Variants in FAT1 observed in about 807,000 individuals in gnomAD.
The protein encoded by FAT1 is FAT atypical cadherin 1, also known as protocadherin Fat 1.
Under a neutral mutation model 329.8 loss-of-function variants are expected in FAT1, and 171 were observed. The observed-to-expected ratio is 0.52, with a 90% CI of 0.46 to 0.59. FAT1 has a LOEUF of 0.59. FAT1 is among the 20% of genes least tolerant of loss of function. FAT1 has a pLI of 0.00. For missense variants in FAT1, 5,672 were observed against 5,774.4 expected, an observed-to-expected ratio of 0.98 and a Z score of 0.57; for synonymous variants, 2,233 against 2,228.6, an observed-to-expected ratio of 1.00 and a Z score of -0.06.
intron 3 of FAT1, among the ~76,000 whole-genome samples, chr4:186,640,578 T>C (rs961918795): frequency 3.2e-4 from 48 of 152,190 alleles, no homozygotes; most frequent in Non-Finnish European, 1.2e-4. Flanking sequence ...AGAACTGTTA[T>C]AAAAAGTAAT....
At chr4:186,634,265 T>C (rs936989782) in intron 6 of FAT1, among the ~76,000 whole-genome samples, 4 of 152,126 alleles carry the variant, frequency 2.6e-5, no homozygotes, top group Non-Finnish European at 5.9e-5. Flanking sequence ...CTAAAAAAAA[T>C]AGCGGTCGTT....
In FAT1 at chr4:186,588,168, C is replaced by CA; in HGVS notation, c.*423dup. 9.0e-6 allele frequency: 2 copies of CA among 221,562 alleles called. No homozygotes were observed. The highest frequency in any genetic ancestry group is 5.5e-5 in the Admixed American group (1 of 18,224). 13.7% of individuals were successfully genotyped at this position (221,562 alleles called of 1,614,324 possible). A position where few individuals can be genotyped will look rare whatever the true frequency, so the allele number is the denominator to read the frequency against. On this transcript the variant is annotated 3_prime_UTR_variant, in exon 27 of 27. Coordinates refer to ENST00000441802, the MANE Select transcript of FAT1 (RefSeq NM_005245.4). ...TCAGGGTGCTAGATAATGGCACTGA[C>CA]ACCACCAAAATTCAGTTGAAACAAA...
At chr4:186,614,976 C>T (rs1326726666) in intron 11 of FAT1, among the ~76,000 whole-genome samples, 1 of 115,370 alleles carries the variant, frequency 8.7e-6, no homozygotes, top group African/African-American at 4.8e-5. Context: ...TTTAGAAATC[C>T]ATGCCATAAA....
intron 1 of FAT1, among the ~76,000 whole-genome samples, chr4:186,715,767 C>T (rs776536694): frequency 7.9e-5 from 12 of 152,118 alleles, no homozygotes; most frequent in Non-Finnish European, 1.5e-4. Flanking sequence ...ATGCATTTTC[C>T]GAAGCCAAAA....
At chr4:186,612,806 C>T (rs1292220745) in intron 13 of FAT1, among the ~76,000 whole-genome samples, 1 of 152,152 alleles carries the variant, frequency 6.6e-6, no homozygotes. Context: ...TCTCTGTCCT[C>T]AATGGTTTAT....
chr4:186,717,411 T>C (rs1745264141), intron 1 of FAT1, among the ~76,000 whole-genome samples: 1 of 152,224 alleles, frequency 6.6e-6, no homozygotes, highest in African/African-American at 2.4e-5. Flanking sequence ...TGTTGTTATC[T>C]TTGACTGGGG....
At chr4:186,665,357 T>C (rs1484220575) in intron 2 of FAT1, among the ~76,000 whole-genome samples, 1 of 152,216 alleles carries the variant, frequency 6.6e-6, no homozygotes, top group Non-Finnish European at 1.5e-5. Context: ...CCAGCACCTG[T>C]TGTTTCCTGA....
intron 12 of FAT1, among the ~76,000 whole-genome samples, chr4:186,613,699 A>G (rs974348627): frequency 6.6e-5 from 10 of 152,244 alleles, no homozygotes; most frequent in African/African-American, 2.2e-4. Context: ...GAAGAAAATA[A>G]AAAGGCTTAA....
Position 186,614,263 on chromosome 4 carries a change from G to T in FAT1, c.9157C>A (p.Arg3053Ser). The change falls in exon 12 of 27, where the codon CGC (arginine) becomes AGC (serine). Residue 3053 changes from arginine to serine, a missense_variant. Arg to Ser is a moderately radical substitution (Grantham distance 110, BLOSUM62 -1). This residue lies in a region of FAT1 where 3,966 missense variants were observed against 3,915.2 expected (regional missense o/e 1.01). Coordinates refer to ENST00000441802, the MANE Select transcript of FAT1 (RefSeq NM_005245.4). ...MQISATDADI[R>S]SNAEITYTLL... ...GTGTAAGTAATTTCAGCGTTAGAGC[G>T]GATGTCTGCGTCTGTAGCAGAGATC... The T allele has an allele frequency of 6.2e-7, 1 of 1,603,014 alleles. No homozygotes were observed. The highest frequency in any genetic ancestry group is 8.5e-7 in the Non-Finnish European group (1 of 1,176,256).
Position 186,603,243 on chromosome 4 carries a change from T to G in FAT1, c.11283A>C (p.Thr3761=), listed in dbSNP as rs979758551. The change falls in exon 19 of 27, where the codon ACA becomes ACC. Residue 3761 remains threonine, a synonymous_variant. Transcript: ENST00000441802. ...CAAAACTCAGTCTGGCTGTGCTGTG[T>G]GTTGACATCACACTTTCATCCACAG... is the stretch of plus-strand genomic sequence containing the variant. The part of the protein sequence containing the change: ...KVSVDESVMS[T]HSTARLSFVT... The G allele has an allele frequency of 1.2e-6, 2 of 1,613,752 alleles. No homozygotes were observed. Among genetic ancestry groups the G allele is most frequent in the African/African-American group, 2.7e-5 (2 of 74,930 alleles).
chr4:186,647,032 C>T (rs1189039762), intron 3 of FAT1, among the ~76,000 whole-genome samples: 4 of 152,182 alleles, frequency 2.6e-5, no homozygotes, highest in Admixed American at 2.0e-4. Flanking sequence ...ATAATGTTTA[C>T]GATCTCAGTC....
rs567227751 is a variant in FAT1 at position 186,679,374 on chromosome 4, A to T, written c.3266-15761T>A. 5.1e-5 allele frequency among the ~76,000 whole-genome samples: 7 copies of T among 138,040 alleles called. No individual in the cohort carries two copies. The Admixed American group carries it at 5.6e-4, about 11-fold the overall frequency. 90.6% of individuals were successfully genotyped at this position (138,040 alleles called of 152,430 possible). ...GGAGCTTGCAGTGAGCTGAGATCGC[A>T]CCACTGCACTCCAGCCTGGGTGACA... On this transcript the variant is annotated intron_variant, in intron 2 of 26. Coordinates refer to ENST00000441802, the MANE Select transcript of FAT1 (RefSeq NM_005245.4).
chr4:186,639,727 A>C lies in FAT1; in HGVS notation c.3637T>G (p.Leu1213Val). 1 of 1,609,518 alleles carries C rather than the reference A, an allele frequency of 6.2e-7. No individual in the cohort carries two copies. Among genetic ancestry groups the C allele is most frequent in the Non-Finnish European group, 8.5e-7 (1 of 1,177,494 alleles). Reference sequence around the variant, plus strand: ...AAGATAAAAAAAAAACTTACCTCTAATATGTGTTCATCTTGCTGTTCTCGG... The same window carrying C: ...AAGATAAAAAAAAAACTTACCTCTACTATGTGTTCATCTTGCTGTTCTCGG... ...LDREQQDEHILEVTVTDNGSP... is the reference protein window; with the variant it reads ...LDREQQDEHIVEVTVTDNGSP... The change falls in exon 4 of 27, where the codon TTA becomes GTA. Residue 1213 changes from leucine (L) to valine (V), a missense_variant. Leu to Val is a conservative substitution (Grantham distance 32). This residue lies in a region of FAT1 where 3,966 missense variants were observed against 3,915.2 expected (regional missense o/e 1.01). Coordinates refer to ENST00000441802, the MANE Select transcript of FAT1 (RefSeq NM_005245.4).
At chr4:186,606,458 T>C (rs1269067368) in intron 16 of FAT1, among the ~76,000 whole-genome samples, 3 of 152,324 alleles carry the variant, frequency 2.0e-5, no homozygotes, top group East Asian at 3.9e-4. Flanking sequence ...TGTACTTGTT[T>C]TGTAAAAGTC....
chr4:186,628,535 C>T lies in FAT1; in HGVS notation c.4552G>A (p.Glu1518Lys), dbSNP rs2126544181. Residue 1518 changes from glutamate to lysine, a missense_variant, in exon 8 of 27, where the codon GAG becomes AAG. Transcript: ENST00000441802. ...DPATGSLYTSEKLDHEAVHQH... is the reference protein window; with the variant it reads ...DPATGSLYTSKKLDHEAVHQH... ...TGAACAGCTTCATGATCCAGTTTCT[C>T]AGAAGTATAGAGAGAGCCGGTTGCA... is the stretch of plus-strand genomic sequence containing the variant. The T allele has an allele frequency of 6.2e-7, 1 of 1,614,016 alleles. No individual in the cohort carries two copies. The highest frequency in any genetic ancestry group is 1.1e-5 in the South Asian group (1 of 91,082).
upstream of FAT1, chr4:186,726,562 A>G (rs1050890528): frequency 6.6e-6 from 1 of 152,256 alleles, no homozygotes; most frequent in African/African-American, 2.4e-5. Flanking sequence ...GGGCAAACTT[A>G]AGCACCAAAC....
intron 1 of FAT1, among the ~76,000 whole-genome samples, chr4:186,717,164 ACTCT>A (rs144077753): frequency 0.024 from 3,685 of 152,140 alleles, 154 homozygotes; most frequent in African/African-American, 0.085. Flanking sequence ...GAAAAAAAAA[ACTCT>A]CTATTTTTCT....
At chr4:186,589,317 G>A (rs754047408) in intron 26 of FAT1, 97 bp from the exon 27 acceptor site, 429 of 1,294,680 alleles carry the variant, frequency 3.3e-4, no homozygotes, top group Non-Finnish European at 4.4e-4. Flanking sequence ...AGATGCAACC[G>A]CATTTATGCC....
rs976464046 is a variant in FAT1, at chr4:186,618,217, A to G, written c.8369T>C (p.Val2790Ala). The G allele has an allele frequency of 5.0e-6, 8 of 1,613,918 alleles. No individual in the cohort carries two copies. Among genetic ancestry groups the G allele is most frequent in the Non-Finnish European group, 6.8e-6 (8 of 1,179,904 alleles). ...TTGGATACTAACATCTACAGAAGCC[A>G]CCATCTCATGGTCATCTTGAGTGCA... ...ARCTQDDHEM[V>A]ASVDVSIQVK... The change falls in exon 10 of 27, where the codon GTG becomes GCG. Residue 2790 changes from valine (V) to alanine (A), a missense_variant. By Grantham distance (64) the Val-to-Ala change is moderately conservative (BLOSUM62 0). This residue lies in a region of FAT1 where 3,966 missense variants were observed against 3,915.2 expected (regional missense o/e 1.01). Coordinates refer to ENST00000441802, the MANE Select transcript of FAT1 (RefSeq NM_005245.4).
Sources: gnomAD v4.1 joint callset for allele counts (sites outside exome capture counted in the v4.1 genomes callset) on GRCh38, gnomAD v4.1.1 for gene constraint, gnomAD v4.1.1 regional missense constraint, MANE v1.5 for transcripts, NCBI Gene and HGNC (gene_info 2026-07-23, HGNC 2026-07-21) for gene names.